NRG3: variants seen among roughly 807,000 people sequenced by gnomAD.
The protein encoded by NRG3 is pro-neuregulin-3, membrane-bound isoform.
A neutral mutation model predicts 66.9 loss-of-function variants in NRG3; 31 were observed. The observed-to-expected ratio is 0.46, with a 90% confidence interval of 0.35 to 0.63. The LOEUF (loss-of-function observed/expected upper bound fraction) is 0.63, where lower values mean the gene tolerates loss of function less well. NRG3 is among the 20% of genes least tolerant of loss of function. The probability of loss-of-function intolerance (pLI) is 0.00; values close to 1 mark genes in which losing one functional copy is unlikely to be tolerated. For missense variants in NRG3, 910 were observed against 878.9 expected (o/e 1.04, Z -0.45); for synonymous variants, 393 against 359.4 (o/e 1.09, Z -1.06).
intron 1 of NRG3, among the ~76,000 whole-genome samples, chr10:82,265,656 A>G (rs1404791671): frequency 1.3e-5 from 2 of 152,320 alleles, no homozygotes; most frequent in African/African-American, 4.8e-5. Flanking sequence ...CTGAGAAACC[A>G]TTTTCATGGT....
intron 2 of NRG3, among the ~76,000 whole-genome samples, chr10:82,493,205 G>T (rs1843310348): frequency 6.6e-6 from 1 of 151,888 alleles, no homozygotes; most frequent in African/African-American, 2.4e-5. Flanking sequence ...ATGGTGGTTT[G>T]CTGCACCTAT....
At chr10:82,614,172 A>G (rs2048492053) in intron 2 of NRG3, among the ~76,000 whole-genome samples, 1 of 152,190 alleles carries the variant, frequency 6.6e-6, no homozygotes, top group Non-Finnish European at 1.5e-5. Context: ...CTCTGGGATT[A>G]TAGGCGTGAG....
chr10:82,255,427 C>G (rs1280836855), intron 1 of NRG3, among the ~76,000 whole-genome samples: 1 of 152,100 alleles, frequency 6.6e-6, no homozygotes, highest in African/African-American at 2.4e-5. Flanking sequence ...TGATAACTTC[C>G]TATCAATATT....
chr10:82,706,432 A>G (rs2056293336), intron 2 of NRG3, among the ~76,000 whole-genome samples: 1 of 152,182 alleles, frequency 6.6e-6, no homozygotes, highest in African/African-American at 2.4e-5. Context: ...TTTACTTCAA[A>G]TCTTACTATA....
chr10:82,600,782 T>G (rs1478794221), intron 2 of NRG3, among the ~76,000 whole-genome samples: 1 of 152,102 alleles, frequency 6.6e-6, no homozygotes, highest in Admixed American at 6.6e-5. Context: ...CTCATTTATT[T>G]TTATTTTTTT....
intron 2 of NRG3, among the ~76,000 whole-genome samples, chr10:82,631,179 T>C (rs2049804189): frequency 1.3e-5 from 2 of 152,292 alleles, no homozygotes; most frequent in Admixed American, 6.5e-5. Flanking sequence ...TAATTAATCC[T>C]TCCAACTCTC....
In NRG3 at chr10:82,815,925, C is replaced by T. The variant is rs554794715; in HGVS notation, c.1028-49486C>T. 1.6e-4 allele frequency among the ~76,000 whole-genome samples: 24 copies of T among 152,256 alleles called. No individual in the cohort carries two copies. The South Asian group carries it at 2.9e-3, about 18-fold the overall frequency. ...CTATGGCAGGGCAGGCAGCTCCAGG[C>T]GCTAGCACACGTTTTGGCTCTGTGT... On this transcript the variant is annotated intron_variant, in intron 3 of 8. Transcript: ENST00000372141.
At chr10:82,369,195 A>G (rs2084729100) in intron 2 of NRG3, among the ~76,000 whole-genome samples, 2 of 139,338 alleles carry the variant, frequency 1.4e-5, no homozygotes, top group East Asian at 4.2e-4. Flanking sequence ...GGCTGACACC[A>G]GGTTCTACAT....
chr10:82,681,672 G>C (rs530626970), intron 2 of NRG3, among the ~76,000 whole-genome samples: 25 of 152,258 alleles, frequency 1.6e-4, no homozygotes, highest in Non-Finnish European at 3.2e-4. Context: ...TTACTCTTTT[G>C]GTTTCATTGC....
In NRG3 at chr10:82,485,057, A is replaced by C. The variant is rs554182578; in HGVS notation, c.953+126189A>C. Among the ~76,000 whole-genome samples, 5 of 152,276 alleles carry C rather than the reference A, an allele frequency of 3.3e-5. No individual in the cohort carries two copies. In the South Asian group the frequency reaches 1.0e-3, roughly 32 times the overall value. On this transcript the variant is annotated intron_variant, in intron 2 of 8. Coordinates refer to ENST00000372141, the MANE Select transcript of NRG3 (RefSeq NM_001010848.4). ...GGGTATGCTGCAGTATGAACAAGAT[A>C]ATATGTTTATAGCACCCTTCACAAT...
chr10:82,203,124 G>C (rs1159136390), intron 1 of NRG3, among the ~76,000 whole-genome samples: 9 of 152,194 alleles, frequency 5.9e-5, no homozygotes, highest in Non-Finnish European at 1.2e-4. Context: ...TGTGAGTCAT[G>C]TGTAGGACGG....
intron 1 of NRG3, among the ~76,000 whole-genome samples, chr10:82,082,526 G>A (rs1421689421): frequency 6.6e-6 from 1 of 152,160 alleles, no homozygotes; most frequent in African/African-American, 2.4e-5. Flanking sequence ...TGTCTGTGGG[G>A]CTGGCAGAAA....
At chr10:81,907,170 T>C (rs575721774) in intron 1 of NRG3, among the ~76,000 whole-genome samples, 1 of 152,276 alleles carries the variant, frequency 6.6e-6, no homozygotes, top group African/African-American at 2.4e-5. Context: ...TAGGAGGATG[T>C]CAATTATTTA....
At chr10:82,929,752 A>G (rs1370988171) in intron 4 of NRG3, among the ~76,000 whole-genome samples, 6 of 152,000 alleles carry the variant, frequency 3.9e-5, no homozygotes, top group East Asian at 1.9e-4. Context: ...GGTGGTTGGC[A>G]CCTGTAATCA....
intron 2 of NRG3, among the ~76,000 whole-genome samples, chr10:82,710,918 G>C (rs1255689162): frequency 1.3e-5 from 2 of 152,052 alleles, no homozygotes; most frequent in African/African-American, 2.4e-5. Flanking sequence ...CTTTTGTTTA[G>C]AAGTGTTTTG....
intron 1 of NRG3, among the ~76,000 whole-genome samples, chr10:82,350,531 G>A (rs1440328230): frequency 1.3e-5 from 2 of 152,212 alleles, no homozygotes; most frequent in African/African-American, 2.4e-5. Context: ...AATACTTTCA[G>A]CCACTTCTAA....
At chr10:82,978,766 A>G (rs1852550040) in intron 7 of NRG3, among the ~76,000 whole-genome samples, 184 bp from the exon 8 acceptor site, 1 of 152,196 alleles carries the variant, frequency 6.6e-6, no homozygotes, top group Non-Finnish European at 1.5e-5. Flanking sequence ...CAAAGGTAAA[A>G]TGGATTGGGC....
chr10:82,980,686 G>A (rs1253748479), intron 8 of NRG3, among the ~76,000 whole-genome samples: 1 of 152,208 alleles, frequency 6.6e-6, no homozygotes, highest in African/African-American at 2.4e-5. Context: ...TAAATGGCCG[G>A]TGGCTAGGTT....
At chr10:82,931,534 A>G (rs1042600879) in intron 4 of NRG3, among the ~76,000 whole-genome samples, 3 of 152,204 alleles carry the variant, frequency 2.0e-5, no homozygotes, top group African/African-American at 7.2e-5. Context: ...TAAATATTCA[A>G]TAGTGGAAAT....
Sources: gnomAD v4.1 joint callset for allele counts (sites outside exome capture counted in the v4.1 genomes callset) on GRCh38, gnomAD v4.1.1 for gene constraint, MANE v1.5 for transcripts, NCBI Gene and HGNC (gene_info 2026-07-23, HGNC 2026-07-21) for gene names.